The following NME7 variants were observed in gnomAD, a reference collection of about 807,000 sequenced individuals.
NME7 encodes the protein NME/NM23 family member 7.
Under a neutral mutation model 49.1 loss-of-function variants are expected in NME7, and 41 were observed. The ratio of observed to expected loss-of-function variants is 0.83; its 90% CI spans 0.65 to 1.08. NME7 has a LOEUF of 1.08. Among genes scored for constraint, NME7 ranks in the 50% least tolerant of loss-of-function variants. The pLI, the probability that NME7 is intolerant of heterozygous loss-of-function variation, is 0.00. For synonymous variants in NME7, 139 were observed against 150.6 expected (o/e 0.92, Z 0.56); for missense variants, 423 against 463.4 (o/e 0.91, Z 0.80).
intron 11 of NME7, among the ~76,000 whole-genome samples, chr1:169,154,968 AT>A (rs1016292288): frequency 4.6e-5 from 7 of 151,268 alleles, no homozygotes; most frequent in African/African-American, 1.5e-4. Context: ...AATTTGTATA[AT>A]TTAAAAAAAT....
At chr1:169,183,433 C>A (rs1197469400) in intron 10 of NME7, among the ~76,000 whole-genome samples, 2 of 152,156 alleles carry the variant, frequency 1.3e-5, no homozygotes, top group Non-Finnish European at 2.9e-5. Flanking sequence ...GCAAGACTCC[C>A]ATTTATAAAG....
chr1:169,330,671 C>CT (rs1049252934), intron 1 of NME7, among the ~76,000 whole-genome samples: 1 of 152,040 alleles, frequency 6.6e-6, no homozygotes, highest in Non-Finnish European at 1.5e-5. Context: ...GAGCAAGACT[C>CT]TGTCTCTAAA....
intron 1 of NME7, among the ~76,000 whole-genome samples, chr1:169,365,784 T>C (rs532893060): frequency 2.0e-5 from 3 of 152,230 alleles, no homozygotes; most frequent in South Asian, 4.1e-4. Flanking sequence ...AAAGTCACTA[T>C]TAAAATAATC....
intron 11 of NME7, among the ~76,000 whole-genome samples, chr1:169,149,092 C>T (rs1461178366): frequency 6.6e-6 from 1 of 152,132 alleles, no homozygotes; most frequent in Non-Finnish European, 1.5e-5. Context: ...GCCTGTAATC[C>T]TACTTTGGGA....
At chr1:169,229,410 C>A (rs1192168992) in intron 10 of NME7, among the ~76,000 whole-genome samples, 1 of 152,180 alleles carries the variant, frequency 6.6e-6, no homozygotes, top group Non-Finnish European at 1.5e-5. Context: ...ATCTCTCTTC[C>A]TTTAAGTTTT....
Position 169,364,883 on chromosome 1 carries a change from A to G in NME7, c.3+2825T>C, listed in dbSNP as rs1653795806. 2.0e-5 allele frequency among the ~76,000 whole-genome samples: 3 copies of G among 152,362 alleles called. No homozygotes were observed. The South Asian group carries it at 6.2e-4, about 32-fold the overall frequency. On this transcript the variant is annotated intron_variant, in intron 1 of 11. Coordinates refer to ENST00000367811, the MANE Select transcript of NME7 (RefSeq NM_013330.5). The stretch of plus-strand genomic sequence containing the variant: ...AGGGACCTAAAATCTGCTAAAATAT[A>G]GGCATAGGTAAGCAATAACCAGCTA...
chr1:169,240,025 C>T (rs1256866304), intron 7 of NME7, among the ~76,000 whole-genome samples: 1 of 151,752 alleles, frequency 6.6e-6, no homozygotes, highest in Non-Finnish European at 1.5e-5. Context: ...TACTGAAGAC[C>T]TTTATATAGG....
At chr1:169,219,384 G>A (rs536848762) in intron 10 of NME7, among the ~76,000 whole-genome samples, 1 of 152,292 alleles carries the variant, frequency 6.6e-6, no homozygotes, top group Non-Finnish European at 1.5e-5. Context: ...GTATTAAGTA[G>A]TAATAGTAAT....
At position 169,352,786 on chromosome 1, in the gene NME7, T is replaced by A. The variant is rs531200171; in HGVS notation, c.3+14922A>T. On this transcript the variant is annotated intron_variant, in intron 1 of 11. Coordinates refer to ENST00000367811, the MANE Select transcript of NME7 (RefSeq NM_013330.5). ...CAACAGTGAACAATCTGAAAAAAAATTTTTTAAGTTATCCTATTTACAATA... is the reference window on the plus strand; with the variant it reads ...CAACAGTGAACAATCTGAAAAAAAAATTTTTAAGTTATCCTATTTACAATA... Among the ~76,000 whole-genome samples the A allele has an allele frequency of 7.8e-3, 1,186 of 152,016 alleles. 10 individuals are homozygous for A. Among genetic ancestry groups the A allele is most frequent in the African/African-American group, 0.025 (1,055 of 41,478 alleles).
At chr1:169,135,413 G>A (rs1376939995) in intron 11 of NME7, among the ~76,000 whole-genome samples, 5 of 152,190 alleles carry the variant, frequency 3.3e-5, no homozygotes, top group African/African-American at 9.6e-5. Context: ...TGATATCTGT[G>A]TATATTTGGC....
At chr1:169,217,164 CTTTATTG>C (rs1381332413) in intron 10 of NME7, among the ~76,000 whole-genome samples, 1 of 152,082 alleles carries the variant, frequency 6.6e-6, no homozygotes, top group Non-Finnish European at 1.5e-5. Context: ...CAATATTATA[CTTTATTG>C]TTTATTCTGA....
At chr1:169,337,047 T>C (rs941706799) in intron 1 of NME7, among the ~76,000 whole-genome samples, 2 of 152,252 alleles carry the variant, frequency 1.3e-5, no homozygotes, top group African/African-American at 4.8e-5. Flanking sequence ...CAGGTGGAGC[T>C]GCCTGCCAGT....
intron 3 of NME7, among the ~76,000 whole-genome samples, chr1:169,311,076 T>C (rs1175965830): frequency 6.6e-6 from 1 of 152,154 alleles, no homozygotes; most frequent in Non-Finnish European, 1.5e-5. Context: ...GTTGGTCTTT[T>C]CATTTTGGAT....
rs530960564 is a variant in NME7, at chr1:169,328,177, G to T, written c.4-3677C>A. Among the ~76,000 whole-genome samples the T allele has an allele frequency of 5.6e-4, 85 of 152,216 alleles. 3 individuals are homozygous for T. The South Asian group carries it at 0.017, about 31-fold the overall frequency. ...TGTGTTGCTTAAAGAGAAGATCCAGGAAACTATAAAGGGGTTTTTTGGAGG... is the reference window on the plus strand; with the variant it reads ...TGTGTTGCTTAAAGAGAAGATCCAGTAAACTATAAAGGGGTTTTTTGGAGG... On this transcript the variant is annotated intron_variant, in intron 1 of 11. Transcript: ENST00000367811.
Position 169,269,362 on chromosome 1 carries a change from A to G in NME7, c.754+17941T>C, listed in dbSNP as rs186660877. Among the ~76,000 whole-genome samples the G allele has an allele frequency of 6.0e-5, 8 of 134,182 alleles. 1 individual carries two copies. Among genetic ancestry groups the G allele is most frequent in the African/African-American group, 2.0e-4 (8 of 39,696 alleles). 88.0% of individuals were successfully genotyped at this position (134,182 alleles called of 152,430 possible). On this transcript the variant is annotated intron_variant, in intron 7 of 11. Coordinates refer to ENST00000367811, the MANE Select transcript of NME7 (RefSeq NM_013330.5). ...TTCAGATAGAACAGAACACATTCAC[A>G]AAACTCCAAAATGGTGACATTCTAA...
In NME7 at chr1:169,256,443, G is replaced by A. The variant is rs995232762; in HGVS notation, c.755-18756C>T. 2.3e-5 allele frequency among the ~76,000 whole-genome samples: 3 copies of A among 132,794 alleles called. 1 individual carries two copies. Among genetic ancestry groups the A allele is most frequent in the Non-Finnish European group, 5.3e-5 (3 of 56,524 alleles). The allele number at this position is 132,794 out of a possible 152,430, so 87.1% of individuals were successfully genotyped here. On this transcript the variant is annotated intron_variant, in intron 7 of 11. Transcript: ENST00000367811. ...CTCCTTTAAGCACTTCTCTGTATTG[G>A]TTATTCTAGTTATACATTCTTCTAA...
intron 10 of NME7, among the ~76,000 whole-genome samples, chr1:169,226,780 C>T (rs1647358034): frequency 6.6e-6 from 1 of 152,120 alleles, no homozygotes; most frequent in Admixed American, 6.5e-5. Context: ...GAAACATTAT[C>T]ATATTTCCAC....
intron 1 of NME7, among the ~76,000 whole-genome samples, chr1:169,348,834 T>C (rs1223590255): frequency 6.6e-6 from 1 of 151,236 alleles, no homozygotes; most frequent in Non-Finnish European, 1.5e-5. Context: ...CACTAGAAAC[T>C]GAGTTTTTGA....
chr1:169,143,202 G>T (rs923929255), intron 11 of NME7, among the ~76,000 whole-genome samples: 3 of 146,726 alleles, frequency 2.0e-5, no homozygotes, highest in Non-Finnish European at 4.5e-5. Context: ...TGAGGATAAA[G>T]ATCCATATTC....
Sources: gnomAD v4.1 joint callset for allele counts (sites outside exome capture counted in the v4.1 genomes callset) on GRCh38, gnomAD v4.1.1 for gene constraint, MANE v1.5 for transcripts, NCBI Gene and HGNC (gene_info 2026-07-23, HGNC 2026-07-21) for gene names.